DSCAML1: variants seen among roughly 807,000 people sequenced by gnomAD.
DSCAML1 encodes the protein cell adhesion molecule DSCAML1.
Under a neutral mutation model 200.5 loss-of-function variants are expected in DSCAML1, and 38 were observed. The observed-to-expected ratio is 0.19, with a 90% CI of 0.15 to 0.25. DSCAML1 has a LOEUF of 0.25. Among genes scored for constraint, DSCAML1 ranks in the 10% least tolerant of loss-of-function variants. The pLI, the probability that DSCAML1 is intolerant of heterozygous loss-of-function variation, is 1.00. For synonymous variants in DSCAML1, 1,215 were observed against 1,165.0 expected (o/e 1.04, Z -0.87); for missense variants, 2,223 against 2,858.8 (o/e 0.78, Z 5.07).
chr11:117,725,801 C>CACAAA (rs72442656), intron 3 of DSCAML1, among the ~76,000 whole-genome samples: 3,788 of 147,866 alleles, frequency 0.026, 68 homozygotes, highest in African/African-American at 0.046. Context: ...GGTTATGCTA[C>CACAAA]ACAAAACAAA....
At chr11:117,717,216 C>A (rs1377997962) in intron 3 of DSCAML1, among the ~76,000 whole-genome samples, 1 of 152,172 alleles carries the variant, frequency 6.6e-6, no homozygotes, top group Non-Finnish European at 1.5e-5. Context: ...CGAGAGCGGC[C>A]AAGGACACCG....
Position 117,677,411 on chromosome 11 carries a change from G to A in DSCAML1, c.511+99380C>T, listed in dbSNP as rs541479860. 6.6e-5 allele frequency among the ~76,000 whole-genome samples: 10 copies of A among 152,302 alleles called. No homozygotes were observed. The South Asian group carries it at 1.9e-3, about 28-fold the overall frequency. On this transcript the variant is annotated intron_variant, in intron 3 of 32. Coordinates refer to ENST00000651296, the MANE Select transcript of DSCAML1 (RefSeq NM_020693.4). ...GAGTAGGGCATTCTGTGGGTTCCCT[G>A]TGTGTGTCAGAAGAATGGGTCCCAT...
intron 1 of DSCAML1, among the ~76,000 whole-genome samples, chr11:117,809,365 G>A (rs756085156): frequency 2.1e-4 from 32 of 152,228 alleles, no homozygotes; most frequent in Admixed American, 1.9e-3. Flanking sequence ...CTCCTTGGGC[G>A]TGGCTCTGAT....
chr11:117,736,761 C>T (rs1019830315), intron 3 of DSCAML1, among the ~76,000 whole-genome samples: 2 of 152,248 alleles, frequency 1.3e-5, no homozygotes, highest in African/African-American at 4.8e-5. Context: ...CCCATCTCCT[C>T]ATTTTATTGA....
chr11:117,645,327 C>A (rs1252566445), intron 3 of DSCAML1, among the ~76,000 whole-genome samples: 1 of 152,094 alleles, frequency 6.6e-6, no homozygotes, highest in African/African-American at 2.4e-5. Flanking sequence ...GGATCTAGGA[C>A]AACTGAGGCT....
chr11:117,774,178 T>C (rs2055088498), intron 3 of DSCAML1, among the ~76,000 whole-genome samples: 1 of 152,224 alleles, frequency 6.6e-6, no homozygotes, highest in African/African-American at 2.4e-5. Context: ...CCCAGATTCC[T>C]CTGGAATTCT....
chr11:117,666,459 C>T (rs1455337095), intron 3 of DSCAML1, among the ~76,000 whole-genome samples: 3 of 152,166 alleles, frequency 2.0e-5, no homozygotes, highest in African/African-American at 7.2e-5. Context: ...TGTCTTATCC[C>T]TGGTTTGACT....
At chr11:117,650,701 G>GTGTGTGCA (rs1555194676) in intron 3 of DSCAML1, among the ~76,000 whole-genome samples, 1 of 80,910 alleles carries the variant, frequency 1.2e-5, no homozygotes, top group Admixed American at 1.3e-4. Context: ...GTGTGTGTGT[G>GTGTGTGCA]CGTGTGTGTG....
intron 3 of DSCAML1, among the ~76,000 whole-genome samples, chr11:117,731,541 C>T (rs1565899636): frequency 1.3e-5 from 2 of 152,174 alleles, no homozygotes; most frequent in Admixed American, 6.5e-5. Flanking sequence ...GGCCCAACTC[C>T]TACACATCTT....
At chr11:117,694,399 C>CAA (rs2053551485) in intron 3 of DSCAML1, among the ~76,000 whole-genome samples, 2 of 151,120 alleles carry the variant, frequency 1.3e-5, no homozygotes, top group East Asian at 3.9e-4. Flanking sequence ...GAGCTAGACT[C>CAA]CATCTCAAAA....
chr11:117,568,525 G>C (rs571377018), intron 3 of DSCAML1, among the ~76,000 whole-genome samples: 1 of 152,080 alleles, frequency 6.6e-6, no homozygotes, highest in Non-Finnish European at 1.5e-5. Flanking sequence ...CTTCAGCAAA[G>C]TCTCAGGATA....
chr11:117,605,164 G>C (rs761857537), intron 3 of DSCAML1, among the ~76,000 whole-genome samples: 4 of 152,120 alleles, frequency 2.6e-5, no homozygotes, highest in Middle Eastern at 3.2e-3. Context: ...GAGTAGCTGA[G>C]ACTACAGGTG....
Position 117,486,911 on chromosome 11 carries a change from C to CTTTTTTTTTT in DSCAML1, c.2360-4759_2360-4750dup, listed in dbSNP as rs56805170. Among the ~76,000 whole-genome samples the CTTTTTTTTTT allele has an allele frequency of 7.5e-4, 60 of 79,668 alleles. 4 individuals are homozygous for CTTTTTTTTTT. The highest frequency in any genetic ancestry group is 1.1e-3 in the Non-Finnish European group (45 of 42,790). The allele number at this position is 79,668 out of a possible 152,430, so 52.3% of individuals were successfully genotyped here. A position where few individuals can be genotyped will look rare whatever the true frequency, so the allele number is the denominator to read the frequency against. ...GAAAAAAAAAAAGAATGTAAAATAC[C>CTTTTTTTTTT]TTTTTTTTTTTTTTTTTTTTTTTTT... On this transcript the variant is annotated intron_variant, in intron 11 of 32. Coordinates refer to ENST00000651296, the MANE Select transcript of DSCAML1 (RefSeq NM_020693.4).
At chr11:117,752,642 T>A (rs1287626346) in intron 3 of DSCAML1, among the ~76,000 whole-genome samples, 1 of 152,158 alleles carries the variant, frequency 6.6e-6, no homozygotes, top group Non-Finnish European at 1.5e-5. Flanking sequence ...GGGGAAACAA[T>A]GGGTCTGGAG....
chr11:117,677,283 C>T (rs868346400), intron 3 of DSCAML1, among the ~76,000 whole-genome samples: 2 of 152,076 alleles, frequency 1.3e-5, no homozygotes, highest in Non-Finnish European at 2.9e-5. Context: ...GGGCTGGGGT[C>T]GGGGGCTGGT....
At chr11:117,434,409 C>T (rs1000443303) in intron 27 of DSCAML1, among the ~76,000 whole-genome samples, 5 of 152,280 alleles carry the variant, frequency 3.3e-5, no homozygotes, top group Non-Finnish European at 7.4e-5. Context: ...AACCTTACAT[C>T]CAACCACTCC....
At chr11:117,576,820 C>T (rs1485847609) in intron 3 of DSCAML1, among the ~76,000 whole-genome samples, 2 of 152,210 alleles carry the variant, frequency 1.3e-5, no homozygotes, top group East Asian at 3.9e-4. Context: ...TCAACATTTT[C>T]ATCAACGAAA....
chr11:117,485,350 G>T (rs922635074), intron 11 of DSCAML1, among the ~76,000 whole-genome samples: 12 of 152,160 alleles, frequency 7.9e-5, no homozygotes, highest in African/African-American at 2.9e-4. Context: ...CTGAGACAGG[G>T]TCCCTTCACC....
At chr11:117,622,515 G>A (rs143429724) in intron 3 of DSCAML1, among the ~76,000 whole-genome samples, 32 of 152,234 alleles carry the variant, frequency 2.1e-4, no homozygotes, top group South Asian at 4.1e-4. Context: ...TGACCTCACC[G>A]ATGAGCCTGA....
Sources: allele counts gnomAD v4.1 joint callset (sites outside exome capture counted in the v4.1 genomes callset), GRCh38; gene constraint gnomAD v4.1.1; transcripts MANE v1.5; gene names NCBI Gene and HGNC (gene_info 2026-07-23, HGNC 2026-07-21).